The following MCPH1 variants were observed in gnomAD, a reference collection of about 807,000 sequenced individuals.
The protein encoded by MCPH1 is microcephalin.
In MCPH1, 104 loss-of-function variants were observed where a neutral mutation model predicts 84.5. That is an observed-to-expected ratio of 1.23 (90% CI 1.05 to 1.45). The LOEUF (loss-of-function observed/expected upper bound fraction) is 1.45. Among genes scored for constraint, MCPH1 ranks in the 40% most tolerant of loss-of-function variants. The pLI, the probability that MCPH1 is intolerant of heterozygous loss-of-function variation, is 0.00. For missense variants in MCPH1, 1,498 were observed against 1,005.7 expected (o/e 1.49, Z -6.62); for synonymous variants, 514 against 366.8 (o/e 1.40, Z -4.58).
intron 13 of MCPH1, among the ~76,000 whole-genome samples, chr8:6,629,089 T>G (rs1298884790): frequency 6.6e-6 from 1 of 152,214 alleles, no homozygotes; most frequent in Non-Finnish European, 1.5e-5. Flanking sequence ...TATCTGGAGC[T>G]AGGGCCTTTA....
chr8:6,633,797 T>C (rs950291154), intron 13 of MCPH1, among the ~76,000 whole-genome samples: 1 of 152,186 alleles, frequency 6.6e-6, no homozygotes, highest in Non-Finnish European at 1.5e-5. Context: ...CTCACTGTGG[T>C]TTTTTGCTTA....
chr8:6,426,174 G>A (rs1045828673), intron 3 of MCPH1, among the ~76,000 whole-genome samples: 2 of 151,982 alleles, frequency 1.3e-5, no homozygotes, highest in Admixed American at 1.3e-4. Context: ...CAGATAGTTG[G>A]TTTGTTTTTT....
intron 9 of MCPH1, among the ~76,000 whole-genome samples, chr8:6,456,293 C>A (rs80140832): frequency 1.3e-5 from 2 of 152,254 alleles, no homozygotes; most frequent in African/African-American, 4.8e-5. Flanking sequence ...TCTACAATGG[C>A]GTTGCGCACT....
chr8:6,444,616 A>G lies in MCPH1; in HGVS notation c.894A>G (p.Glu298=). The stretch of plus-strand genomic sequence containing the variant: ...AATTTCTGAGTAATCTTTCAAAGGA[A>G]GAAATAAACTTGCAAAGAAATATTG... ...PQKFLSNLSK[E]EINLQRNIAG... is the part of the protein sequence containing the mutation. The change falls in exon 8 of 14, where the codon GAA becomes GAG. Residue 298 remains glutamate, a synonymous_variant. Transcript: ENST00000344683. 6.2e-7 allele frequency: 1 copy of G among 1,614,232 alleles called. No homozygotes were observed. Among genetic ancestry groups the G allele is most frequent in the Non-Finnish European group, 8.5e-7 (1 of 1,180,046 alleles).
At chr8:6,621,236 TGGAG>T in intron 12 of MCPH1, 8 of 609,546 alleles carry the variant, frequency 1.3e-5, no homozygotes, top group Non-Finnish European at 1.7e-5. Context: ...TTTGTTTCCT[TGGAG>T]TTTTACGCAT....
intron 11 of MCPH1, among the ~76,000 whole-genome samples, chr8:6,488,542 T>C (rs927659813): frequency 3.3e-5 from 5 of 152,190 alleles, no homozygotes; most frequent in African/African-American, 1.2e-4. Flanking sequence ...TTTACATTAA[T>C]ATTTTTTAAT....
At chr8:6,588,719 A>T (rs1246205293) in intron 12 of MCPH1, among the ~76,000 whole-genome samples, 7 of 152,264 alleles carry the variant, frequency 4.6e-5, no homozygotes, top group African/African-American at 1.7e-4. Context: ...GAATGTTACA[A>T]AATTATTAGC....
At chr8:6,431,984 A>G (rs2129554104) in intron 4 of MCPH1, among the ~76,000 whole-genome samples, 1 of 152,358 alleles carries the variant, frequency 6.6e-6, no homozygotes, top group East Asian at 1.9e-4. Context: ...ATTTATTAGG[A>G]AAATCTGCTG....
chr8:6,638,771 T>C (rs953069793), intron 13 of MCPH1, among the ~76,000 whole-genome samples: 2 of 152,136 alleles, frequency 1.3e-5, no homozygotes, highest in Non-Finnish European at 2.9e-5. Flanking sequence ...GATGTGGCTA[T>C]GTTCAGATGC....
intron 4 of MCPH1, among the ~76,000 whole-genome samples, chr8:6,434,219 A>C (rs951243733): frequency 1.3e-5 from 2 of 152,156 alleles, no homozygotes; most frequent in Non-Finnish European, 2.9e-5. Flanking sequence ...CAGGACCCCA[A>C]AATAACAATG....
chr8:6,492,383 A>C (rs907601748), intron 11 of MCPH1, among the ~76,000 whole-genome samples: 2 of 151,968 alleles, frequency 1.3e-5, no homozygotes, highest in Non-Finnish European at 2.9e-5. Context: ...GCCCTTTGTC[A>C]GATGAGTAGA....
At chr8:6,539,221 G>C (rs1821073113) in intron 12 of MCPH1, among the ~76,000 whole-genome samples, 1 of 152,238 alleles carries the variant, frequency 6.6e-6, no homozygotes, top group South Asian at 2.1e-4. Context: ...AGTGAGAGGT[G>C]ATGTTCACAT....
intron 3 of MCPH1, among the ~76,000 whole-genome samples, chr8:6,415,848 AC>A (rs1294462337): frequency 6.6e-6 from 1 of 152,152 alleles, no homozygotes; most frequent in Non-Finnish European, 1.5e-5. Flanking sequence ...TTATTCAAAA[AC>A]AAAAAAGGCA....
intron 2 of MCPH1, 63 bp from the exon 3 acceptor site, chr8:6,414,702 C>T (rs1799014499): frequency 1.9e-6 from 3 of 1,569,630 alleles, no homozygotes; most frequent in Non-Finnish European, 2.6e-6. Context: ...GTTTTTTGAT[C>T]AGTTGTAGTT....
chr8:6,557,418 G>A (rs948773904), intron 12 of MCPH1, among the ~76,000 whole-genome samples: 2 of 152,176 alleles, frequency 1.3e-5, no homozygotes, highest in Non-Finnish European at 2.9e-5. Flanking sequence ...TGTTGCGATT[G>A]CTGCCTTCGT....
At chr8:6,519,834 G>C (rs779486336) in intron 12 of MCPH1, 2 of 1,610,702 alleles carry the variant, frequency 1.2e-6, no homozygotes, top group East Asian at 2.2e-5. Flanking sequence ...CTAGAGCCAG[G>C]GAGTTAGTAA....
intron 12 of MCPH1, among the ~76,000 whole-genome samples, chr8:6,558,630 T>C (rs567380882): frequency 6.6e-6 from 1 of 152,316 alleles, no homozygotes; most frequent in African/African-American, 2.4e-5. Flanking sequence ...CAGAGTTCAG[T>C]ATTTAGACTA....
chr8:6,578,325 A>G (rs1268524358), intron 12 of MCPH1, among the ~76,000 whole-genome samples: 1 of 152,230 alleles, frequency 6.6e-6, no homozygotes, highest in Non-Finnish European at 1.5e-5. Flanking sequence ...TGGCAAAAGA[A>G]AAGTGAGAAA....
intron 13 of MCPH1, among the ~76,000 whole-genome samples, chr8:6,638,725 G>A (rs114861250): frequency 0.013 from 1,994 of 152,236 alleles, 43 homozygotes; most frequent in African/African-American, 0.045. Context: ...TGGGATGTTT[G>A]AGGATTATTC....
Sources: gnomAD v4.1 joint callset for allele counts (sites outside exome capture counted in the v4.1 genomes callset) on GRCh38, gnomAD v4.1.1 for gene constraint, MANE v1.5 for transcripts, NCBI Gene and HGNC (gene_info 2026-07-23, HGNC 2026-07-21) for gene names.